Variants in PCM1 observed in about 807,000 individuals in gnomAD.
PCM1 encodes pericentriolar material 1 protein.
PCM1 carries 157 observed loss-of-function variants against 241.9 expected under a neutral mutation model. That is an observed-to-expected ratio of 0.65 (90% CI 0.57 to 0.74). PCM1 has a LOEUF of 0.74. Among genes scored for constraint, PCM1 ranks in the 30% least tolerant of loss-of-function variants. PCM1 has a pLI of 0.00. For synonymous variants in PCM1, 1,085 were observed against 784.9 expected, an observed-to-expected ratio of 1.38 and a Z score of -6.39; for missense variants, 3,478 against 2,360.1, an observed-to-expected ratio of 1.47 and a Z score of -9.81.
chr8:17,997,340 C>T (rs1250744380), intron 29 of PCM1, among the ~76,000 whole-genome samples: 2 of 152,056 alleles, frequency 1.3e-5, no homozygotes, highest in Non-Finnish European at 2.9e-5. Flanking sequence ...TGATGTTTGG[C>T]AGTTTGATTA....
In PCM1 at chr8:17,943,594, C is replaced by T. The variant is rs754565062; in HGVS notation, c.784-3592C>T. ...TTTTTAGGTTTCTTTGAATAATATCCTTATAAGTGATTATTATTCTTTTTT... is the reference window on the plus strand; with the variant it reads ...TTTTTAGGTTTCTTTGAATAATATCTTTATAAGTGATTATTATTCTTTTTT... On this transcript the variant is annotated intron_variant, in intron 6 of 38. Transcript: ENST00000325083. Among the ~76,000 whole-genome samples the T allele has an allele frequency of 3.3e-5, 5 of 152,108 alleles. No homozygotes were observed. In the South Asian group the frequency reaches 8.3e-4, roughly 25 times the overall value.
chr8:17,926,975 T>C (rs1336441871), intron 2 of PCM1: 1 of 152,126 alleles, frequency 6.6e-6, no homozygotes, highest in African/African-American at 2.4e-5. Flanking sequence ...GTTTAGTTCA[T>C]GCAAGCAGGG....
chr8:18,016,748 A>G (rs1320189413), intron 36 of PCM1, among the ~76,000 whole-genome samples: 3 of 152,188 alleles, frequency 2.0e-5, no homozygotes, highest in Non-Finnish European at 4.4e-5. Flanking sequence ...CCACTAACCC[A>G]TTTGTTCAGT....
chr8:17,981,427 A>C (rs1327255909), intron 24 of PCM1, among the ~76,000 whole-genome samples: 1 of 152,106 alleles, frequency 6.6e-6, no homozygotes, highest in Non-Finnish European at 1.5e-5. Flanking sequence ...TGTTGCCTTA[A>C]TCACATTATT....
At chr8:17,972,304 A>G (rs758522751) in intron 22 of PCM1, 25 bp from the exon 23 acceptor site, 24 of 1,364,272 alleles carry the variant, frequency 1.8e-5, no homozygotes, top group Non-Finnish European at 1.2e-5. Flanking sequence ...TTGTTAACTT[A>G]TAAAAACTTG....
chr8:18,009,567 T>C lies in PCM1; in HGVS notation c.4983T>C (p.Ala1661=). Residue 1661 remains alanine (A), a synonymous_variant, in exon 31 of 39, where the codon GCT becomes GCC. Transcript: ENST00000325083. ...SILQDSLAKF[A]GRKLKDCGED... is the part of the protein sequence containing the mutation. Reference sequence around the variant, plus strand: ...AATAGGATTCACTGGCAAAATTTGCTGGCAGAAAACTGAAAGACTGTGGAG... The same window carrying C: ...AATAGGATTCACTGGCAAAATTTGCCGGCAGAAAACTGAAAGACTGTGGAG... The C allele has an allele frequency of 6.2e-7, 1 of 1,600,004 alleles. No homozygotes were observed. The highest frequency in any genetic ancestry group is 1.1e-5 in the South Asian group (1 of 88,524).
intron 6 of PCM1, among the ~76,000 whole-genome samples, chr8:17,946,482 A>T (rs969356093): frequency 1.3e-5 from 2 of 151,410 alleles, no homozygotes; most frequent in Admixed American, 1.3e-4. Flanking sequence ...TATTACTTCT[A>T]GTCTTTTTTT....
chr8:17,999,099 G>T (rs1032800609), intron 29 of PCM1, among the ~76,000 whole-genome samples: 4 of 152,080 alleles, frequency 2.6e-5, no homozygotes, highest in Admixed American at 6.5e-5. Context: ...CAGGAGCCAG[G>T]TTCTCGAATT....
rs1273304841 is a variant in PCM1 at position 18,011,693 on chromosome 8, TTAAC to T, written c.5381_5384del (p.Thr1794IlefsTer75). On this transcript the variant is annotated frameshift_variant, in exon 34 of 39. Coordinates refer to ENST00000325083, the MANE Select transcript of PCM1 (RefSeq NM_006197.4). LOFTEE classifies it high-confidence loss of function. ...TTTGTCTAAAGCTGAAACTCAGGCT[TTAAC>T]TAATTATGGAAGTGGAGAAGATGAA... The T allele has an allele frequency of 1.9e-6, 3 of 1,611,894 alleles. No homozygotes were observed. Among genetic ancestry groups the T allele is most frequent in the Non-Finnish European group, 2.5e-6 (3 of 1,178,914 alleles).
intron 28 of PCM1, 150 bp downstream of exon 28, chr8:17,991,850 C>G (rs369703): frequency 4.0e-6 from 2 of 506,140 alleles, no homozygotes; most frequent in African/African-American, 2.0e-5. Context: ...GATCCCTCAC[C>G]CCCTTCCCAC....
chr8:17,993,386 A>C (rs1339624231), intron 28 of PCM1, 97 bp from the exon 29 acceptor site: 2 of 807,862 alleles, frequency 2.5e-6, no homozygotes, highest in African/African-American at 3.6e-5. Flanking sequence ...TTAGCATAAA[A>C]TCATCAAATT....
At chr8:17,946,505 T>A (rs1437247656) in intron 6 of PCM1, among the ~76,000 whole-genome samples, 1 of 152,064 alleles carries the variant, frequency 6.6e-6, no homozygotes, top group Non-Finnish European at 1.5e-5. Flanking sequence ...TCCTTTTTTC[T>A]TTTTTCTTTG....
At chr8:17,999,505 G>A (rs892778167) in intron 29 of PCM1, among the ~76,000 whole-genome samples, 1 of 152,056 alleles carries the variant, frequency 6.6e-6, no homozygotes. Flanking sequence ...CCGGTGCCCT[G>A]TTGTAGCTGT....
At chr8:17,940,045 A>G in intron 6 of PCM1, 184 bp downstream of exon 6, 9 of 1,555,196 alleles carry the variant, frequency 5.8e-6, no homozygotes, top group Non-Finnish European at 7.8e-6. Context: ...ATTTCAGGCT[A>G]GAGAAAATGA....
intron 4 of PCM1, 24 bp downstream of exon 4, chr8:17,937,403 G>T (rs912434212): frequency 6.5e-7 from 1 of 1,540,686 alleles, no homozygotes; most frequent in East Asian, 2.3e-5. Context: ...TTTTAAAAAT[G>T]AAGCTATTAC....
chr8:17,966,871 G>A, intron 20 of PCM1, 109 bp from the exon 21 acceptor site: 1 of 985,124 alleles, frequency 1.0e-6, no homozygotes, highest in Non-Finnish European at 1.5e-6. Flanking sequence ...TATCAGAGCA[G>A]TTTGTCTGCA....
intron 18 of PCM1, 68 bp downstream of exon 18, chr8:17,964,836 A>C: frequency 8.6e-7 from 1 of 1,167,382 alleles, no homozygotes; most frequent in Non-Finnish European, 1.3e-6. Context: ...GACAGCAAGC[A>C]CTTCTGCAGT....
intron 15 of PCM1, among the ~76,000 whole-genome samples, chr8:17,960,645 C>G (rs190883020): frequency 4.3e-4 from 65 of 149,684 alleles, no homozygotes; most frequent in African/African-American, 1.5e-3. Flanking sequence ...CTGCCTCAGC[C>G]TCCTGAGTAG....
Position 17,972,618 on chromosome 8 carries a change from G to A in PCM1, c.3874G>A (p.Asp1292Asn). 6.3e-7 allele frequency: 1 copy of A among 1,587,184 alleles called. No individual in the cohort carries two copies. The highest frequency in any genetic ancestry group is 8.5e-7 in the Non-Finnish European group (1 of 1,170,982). ...ASAQASLASK[D>N]KTPKSKSKKR... is the part of the protein sequence containing the mutation. ...TGCACAGGCCAGCCTGGCATCTAAA[G>A]ATAAAACTCCCAAGTCAAAAAGTAA... Residue 1292 changes from aspartate (D) to asparagine (N), a missense_variant, in exon 23 of 39, where the codon GAT (aspartate) becomes AAT (asparagine). Transcript: ENST00000325083.
Sources: allele counts gnomAD v4.1 joint callset (sites outside exome capture counted in the v4.1 genomes callset), GRCh38; gene constraint gnomAD v4.1.1; transcripts MANE v1.5; gene names NCBI Gene and HGNC (gene_info 2026-07-23, HGNC 2026-07-21).